The following KCNH6 variants were observed in gnomAD, a reference collection of about 807,000 sequenced individuals.
KCNH6 encodes potassium voltage-gated channel subfamily H member 6, also known as voltage-gated inwardly rectifying potassium channel KCNH6.
Under a neutral mutation model 83.4 loss-of-function variants are expected in KCNH6, and 81 were observed. The observed-to-expected ratio is 0.97, with a 90% CI of 0.81 to 1.17. The LOEUF (loss-of-function observed/expected upper bound fraction) is 1.17, where lower values mean the gene tolerates loss of function less well. Ranked by LOEUF, KCNH6 falls within the 50% of genes most tolerant of loss-of-function variation. The pLI, the probability that KCNH6 is intolerant of heterozygous loss-of-function variation, is 0.00. For missense variants in KCNH6, 1,203 were observed against 1,290.5 expected (o/e 0.93, Z 1.04); for synonymous variants, 503 against 545.6 (o/e 0.92, Z 1.09).
rs1257878542 is a variant in KCNH6 at position 63,533,356 on chromosome 17, GCT to G, written c.676-527_676-526del. 5.9e-5 allele frequency among the ~76,000 whole-genome samples: 9 copies of G among 152,094 alleles called. No homozygotes were observed. Among genetic ancestry groups the G allele is most frequent in the Non-Finnish European group, 1.3e-4 (9 of 68,000 alleles). On this transcript the variant is annotated intron_variant, in intron 4 of 12. Transcript: ENST00000314672. This position sits in a 1 kb window ranked among gnomAD's most constrained non-coding sequence, Gnocchi z 4.1. Reference sequence around the variant, plus strand: ...ACCCCATGGACTCTTTCCATGGGAGGCTCTGAGTTGGCCTCAGAGAGGGCACT... The same window carrying G: ...ACCCCATGGACTCTTTCCATGGGAGGCTGAGTTGGCCTCAGAGAGGGCACT...
chr17:63,527,745 G>C (rs1336479295), intron 2 of KCNH6, among the ~76,000 whole-genome samples: 1 of 152,112 alleles, frequency 6.6e-6, no homozygotes, highest in Non-Finnish European at 1.5e-5. Flanking sequence ...ACCTAGATGT[G>C]GGCTTTTGTT....
chr17:63,523,418 C>A lies in KCNH6; in HGVS notation c.5C>A (p.Pro2Gln). Residue 2 changes from proline (P) to glutamine (Q), a missense_variant, in exon 1 of 13, where the codon CCG (proline) becomes CAG (glutamine). Coordinates refer to ENST00000314672, the MANE Select transcript of KCNH6 (RefSeq NM_001278919.2). The surrounding 1 kb of genome is among the most constrained non-coding windows in gnomAD (Gnocchi z 4.2). M[P>Q]VRRGHVAPQN... is the part of the protein sequence containing the mutation. Reference sequence around the variant, plus strand: ...GGCAGGGGCCGCGGCCGAAAGATGCCGGTCCGCAGGGGCCACGTCGCTCCC... The same window carrying A: ...GGCAGGGGCCGCGGCCGAAAGATGCAGGTCCGCAGGGGCCACGTCGCTCCC... 4 of 1,593,902 alleles carry A rather than the reference C, an allele frequency of 2.5e-6. No individual in the cohort carries two copies. The highest frequency in any genetic ancestry group is 3.4e-6 in the Non-Finnish European group (4 of 1,171,072).
At position 63,539,171 on chromosome 17, in the gene KCNH6, G is replaced by A. The variant is rs185798921; in HGVS notation, c.1954+509G>A. Among the ~76,000 whole-genome samples the A allele has an allele frequency of 5.3e-5, 8 of 152,292 alleles. 1 individual carries two copies. In the East Asian group the frequency reaches 5.8e-4, roughly 11 times the overall value. The stretch of plus-strand genomic sequence containing the variant: ...ATACCTGCTGTGTGACCTTGGGCAA[G>A]TCACTTTGCCTCTCTGAGCATCACA... On this transcript the variant is annotated intron_variant, in intron 8 of 12. Coordinates refer to ENST00000314672, the MANE Select transcript of KCNH6 (RefSeq NM_001278919.2).
Position 63,530,424 on chromosome 17 carries a change from T to C in KCNH6, c.557T>C (p.Leu186Pro). 6 of 1,614,198 alleles carry C rather than the reference T, an allele frequency of 3.7e-6. No homozygotes were observed. Among genetic ancestry groups the C allele is most frequent in the Non-Finnish European group, 5.1e-6 (6 of 1,180,038 alleles). Residue 186 changes from leucine (L) to proline (P), a missense_variant, in exon 4 of 13, where the codon CTC (leucine) becomes CCC (proline). Physicochemically the swap from Leu to Pro is moderately conservative, Grantham distance 98. Transcript: ENST00000314672. The stretch of plus-strand genomic sequence containing the variant: ...ATCAGCCAGATCCCACAGTTCACGC[T>C]CAACTTCGTGGAGTTCAACTTGGAG... ...RTISQIPQFT[L>P]NFVEFNLEKH...
In KCNH6 at chr17:63,533,854, C is replaced by T. The variant is rs774847127; in HGVS notation, c.676-32C>T. The T allele has an allele frequency of 4.7e-5, 75 of 1,590,994 alleles. No individual in the cohort carries two copies. Among genetic ancestry groups the T allele is most frequent in the Admixed American group, 4.6e-4 (27 of 59,254 alleles). ...CCAGTCTCACCAGCAGTGGCTGCCC[C>T]GTGCCTGACCTCCCTCGGCCCCCAC... On this transcript the variant is annotated intron_variant, in intron 4 of 12. Transcript: ENST00000314672. The surrounding 1 kb of genome is among the most constrained non-coding windows in gnomAD (Gnocchi z 4.1).
In KCNH6 at chr17:63,544,321, GGCACAGCCCCCAAA is replaced by G. The variant is rs1188075573; in HGVS notation, c.2309_2322del (p.His770ProfsTer61). 8 of 1,612,168 alleles carry G rather than the reference GGCACAGCCCCCAAA, an allele frequency of 5.0e-6. No individual in the cohort carries two copies. The African/African-American group carries it at 1.1e-4, about 22-fold the overall frequency. On this transcript the variant is annotated frameshift_variant, in exon 11 of 13. Coordinates refer to ENST00000314672, the MANE Select transcript of KCNH6 (RefSeq NM_001278919.2). LOFTEE classifies it high-confidence loss of function. ...GAGCTACTGCAGGAAATGCCCCCAAGGCACAGCCCCCAAAGCCCTCAGGAAGACCCAGATTGCTG... is the reference window on the plus strand; with the variant it reads ...GAGCTACTGCAGGAAATGCCCCCAAGGCCCTCAGGAAGACCCAGATTGCTG...
chr17:63,534,445 G>A lies in KCNH6; in HGVS notation c.1101+134G>A. 1 of 882,668 alleles carries A rather than the reference G, an allele frequency of 1.1e-6. No homozygotes were observed. Among genetic ancestry groups the A allele is most frequent in the Non-Finnish European group, 1.7e-6 (1 of 589,628 alleles). 54.7% of individuals were successfully genotyped at this position (882,668 alleles called of 1,614,324 possible). A position where few individuals can be genotyped will look rare whatever the true frequency, so the allele number is the denominator to read the frequency against. On this transcript the variant is annotated intron_variant, in intron 5 of 12. Coordinates refer to ENST00000314672, the MANE Select transcript of KCNH6 (RefSeq NM_001278919.2). This position sits in a 1 kb window ranked among gnomAD's most constrained non-coding sequence, Gnocchi z 5.0. Reference sequence around the variant, plus strand: ...CTTTGCTGAAGCACGTGGAGGTGGAGAGGAGGCCCCAAACATCTGTCACCT... The same window carrying A: ...CTTTGCTGAAGCACGTGGAGGTGGAAAGGAGGCCCCAAACATCTGTCACCT...
Position 63,534,356 on chromosome 17 carries a change from A to C in KCNH6, c.1101+45A>C, listed in dbSNP as rs753701857. The C allele has an allele frequency of 1.3e-6, 2 of 1,552,280 alleles. No homozygotes were observed. Among genetic ancestry groups the C allele is most frequent in the Admixed American group, 1.8e-5 (1 of 57,066 alleles). On this transcript the variant is annotated intron_variant, in intron 5 of 12. Coordinates refer to ENST00000314672, the MANE Select transcript of KCNH6 (RefSeq NM_001278919.2). This position sits in a 1 kb window ranked among gnomAD's most constrained non-coding sequence, Gnocchi z 5.0. ...GCCAGCAGCCATGGCTGTCCTCTGCACGCTGGCCTCAAGCCCTCCCTGCTG... is the reference window on the plus strand; with the variant it reads ...GCCAGCAGCCATGGCTGTCCTCTGCCCGCTGGCCTCAAGCCCTCCCTGCTG...
chr17:63,528,158 C>A (rs896679959), intron 2 of KCNH6, among the ~76,000 whole-genome samples: 3 of 152,168 alleles, frequency 2.0e-5, no homozygotes, highest in Admixed American at 1.3e-4. Context: ...ACAATATAAT[C>A]TGGCCTTAGG....
intron 11 of KCNH6, 136 bp downstream of exon 11, chr17:63,544,547 A>G (rs768276951): frequency 5.8e-6 from 4 of 686,442 alleles, no homozygotes; most frequent in Non-Finnish European, 8.8e-6. Flanking sequence ...ACCTGTCATT[A>G]AGCACAATTC....
intron 11 of KCNH6, among the ~76,000 whole-genome samples, chr17:63,544,616 G>A (rs554170041): frequency 2.0e-5 from 3 of 152,152 alleles, no homozygotes; most frequent in African/African-American, 7.2e-5. Flanking sequence ...TCGGGGGAGG[G>A]GCACAACCAT....
At chr17:63,530,661 C>T in intron 4 of KCNH6, 119 bp downstream of exon 4, 1 of 865,264 alleles carries the variant, frequency 1.2e-6, no homozygotes, top group Non-Finnish European at 1.8e-6. Context: ...CCTGTCCAGC[C>T]TCTAATATCT....
In KCNH6 at chr17:63,533,816, T is replaced by A; in HGVS notation, c.676-70T>A. 1.4e-6 allele frequency: 2 copies of A among 1,445,352 alleles called. No individual in the cohort carries two copies. Among genetic ancestry groups the A allele is most frequent in the Non-Finnish European group, 1.9e-6 (2 of 1,063,176 alleles). The allele number at this position is 1,445,352 out of a possible 1,614,324, so 89.5% of individuals were successfully genotyped here. On this transcript the variant is annotated intron_variant, in intron 4 of 12. Coordinates refer to ENST00000314672, the MANE Select transcript of KCNH6 (RefSeq NM_001278919.2). The surrounding 1 kb of genome is among the most constrained non-coding windows in gnomAD (Gnocchi z 4.1). ...TCTCCCACTACACCTTCCCCAGGCC[T>A]CAGCCCTCTAGGCCAGTCTCACCAG...
chr17:63,545,358 C>A (rs1598017341), intron 12 of KCNH6, 94 bp downstream of exon 12: 1 of 1,309,558 alleles, frequency 7.6e-7, no homozygotes, highest in Non-Finnish European at 1.1e-6. Context: ...AGGCCCAGAG[C>A]CTCTGTGGCC....
At chr17:63,546,828 T>A (rs1005992073), downstream of KCNH6, 2 of 152,182 alleles carry the variant, frequency 1.3e-5, no homozygotes, top group African/African-American at 4.8e-5. Context: ...CTCCACCATA[T>A]CCAGTGTGTT....
chr17:63,539,511 C>A (rs1471320235), intron 8 of KCNH6, among the ~76,000 whole-genome samples: 1 of 152,222 alleles, frequency 6.6e-6, no homozygotes, highest in Non-Finnish European at 1.5e-5. Context: ...CTGGGCATGG[C>A]CGCCCTAGTA....
intron 2 of KCNH6, among the ~76,000 whole-genome samples, chr17:63,526,878 G>A (rs771984451): frequency 3.3e-5 from 5 of 152,126 alleles, no homozygotes; most frequent in African/African-American, 4.8e-5. Context: ...AAAATACCCC[G>A]GGAGACATCT....
chr17:63,524,919 G>A (rs1047717734), intron 2 of KCNH6, among the ~76,000 whole-genome samples: 2 of 152,100 alleles, frequency 1.3e-5, no homozygotes, highest in Non-Finnish European at 2.9e-5. Flanking sequence ...CATACTGCAA[G>A]CAGAACAGAA....
At chr17:63,537,908 C>G (rs1023763930) in intron 6 of KCNH6, among the ~76,000 whole-genome samples, 157 bp from the exon 7 acceptor site, 3 of 152,202 alleles carry the variant, frequency 2.0e-5, no homozygotes, top group Admixed American at 6.5e-5. Context: ...GCCTTTGTCC[C>G]GCATGTGCCC....
Sources: allele counts gnomAD v4.1 joint callset (sites outside exome capture counted in the v4.1 genomes callset), GRCh38; gene constraint gnomAD v4.1.1; non-coding constraint Gnocchi (gnomAD v3.1); transcripts MANE v1.5; gene names NCBI Gene and HGNC (gene_info 2026-07-23, HGNC 2026-07-21).